The following KDM1B variants were observed in gnomAD, a reference collection of about 807,000 sequenced individuals.
KDM1B encodes the protein lysine-specific histone demethylase 2.
Under a neutral mutation model 107.4 loss-of-function variants are expected in KDM1B, and 63 were observed. The ratio of observed to expected loss-of-function variants is 0.59; its 90% CI spans 0.48 to 0.72. The LOEUF is 0.72. Ranked by LOEUF, KDM1B falls within the 30% of genes least tolerant of loss-of-function variation. The pLI is 0.00. For synonymous variants in KDM1B, 363 were observed against 363.9 expected (o/e 1.00, Z 0.03); for missense variants, 749 against 1,020.8 (o/e 0.73, Z 3.63).
intron 7 of KDM1B, among the ~76,000 whole-genome samples, chr6:18,179,870 T>TCATAAGGCAGGG (rs1786329589): frequency 7.4e-6 from 1 of 135,708 alleles, no homozygotes. Flanking sequence ...TTTTTTTTTT[T>TCATAAGGCAGGG]TTTTTTTTCA....
intron 20 of KDM1B, among the ~76,000 whole-genome samples, chr6:18,216,189 C>T (rs1023173079): frequency 1.3e-5 from 2 of 152,208 alleles, no homozygotes; most frequent in Admixed American, 1.3e-4. Flanking sequence ...AAGCGATTCT[C>T]CTGCCTCAGC....
intron 21 of KDM1B, among the ~76,000 whole-genome samples, chr6:18,220,596 C>T (rs996547572): frequency 2.6e-5 from 4 of 152,254 alleles, no homozygotes; most frequent in Admixed American, 6.5e-5. Flanking sequence ...TTGATTACTC[C>T]TTGGCCTATG....
At chr6:18,160,025 C>A (rs191283366) in intron 3 of KDM1B, 43 bp downstream of exon 3, 2 of 1,291,568 alleles carry the variant, frequency 1.5e-6, no homozygotes, top group East Asian at 2.3e-5. Flanking sequence ...TTTGAGCATG[C>A]AGAATTACTG....
chr6:18,175,584 C>G (rs1354632070), intron 7 of KDM1B, among the ~76,000 whole-genome samples: 1 of 152,108 alleles, frequency 6.6e-6, no homozygotes, highest in Non-Finnish European at 1.5e-5. Context: ...TCTAGTATTT[C>G]TTCTAGAATT....
rs886362382 is a variant in KDM1B at position 18,159,750 on chromosome 6, A to C, written c.-13-133A>C. The C allele has an allele frequency of 3.3e-6, 2 of 608,532 alleles. No homozygotes were observed. The highest frequency in any genetic ancestry group is 3.9e-5 in the African/African-American group (2 of 51,726). The allele number at this position is 608,532 out of a possible 1,614,324, so 37.7% of individuals were successfully genotyped here. On this transcript the variant is annotated intron_variant, in intron 2 of 21. Transcript: ENST00000650836. The surrounding 1 kb of genome is among the most constrained non-coding windows in gnomAD (Gnocchi z 4.5). ...TGGCAAGAATGTCTCAAAAGAAAAG[A>C]AAGAAAACTGTAGCTTTGTATTTAG...
intron 5 of KDM1B, among the ~76,000 whole-genome samples, chr6:18,164,160 C>T (rs376554569): frequency 1.3e-5 from 2 of 152,026 alleles, no homozygotes; most frequent in East Asian, 1.9e-4. Flanking sequence ...TGGAGTCTCG[C>T]TCTGTTGCCC....
chr6:18,207,988 A>C (rs575892726), intron 16 of KDM1B, 144 bp from the exon 17 acceptor site: 8 of 685,064 alleles, frequency 1.2e-5, no homozygotes, highest in African/African-American at 1.1e-4. Flanking sequence ...CAGTTCAGCT[A>C]TAACAATTGT....
intron 15 of KDM1B, 50 bp from the exon 16 acceptor site, chr6:18,207,348 C>T (rs1344126995): frequency 1.3e-6 from 2 of 1,597,126 alleles, no homozygotes; most frequent in Non-Finnish European, 1.7e-6. Flanking sequence ...CTCTCAGGCA[C>T]AGGCACAAGG....
At chr6:18,175,766 T>C (rs1223868932) in intron 7 of KDM1B, among the ~76,000 whole-genome samples, 4 of 152,230 alleles carry the variant, frequency 2.6e-5, no homozygotes, top group Non-Finnish European at 5.9e-5. Flanking sequence ...TTGTTGAAGA[T>C]CAGTTGGCTC....
chr6:18,159,945 C>G lies in KDM1B; in HGVS notation c.50C>G (p.Ser17Cys). Residue 17 changes from serine (S) to cysteine (C), a missense_variant, in exon 3 of 22, where the codon TCT (serine) becomes TGT (cysteine). Transcript: ENST00000650836. This position sits in a 1 kb window ranked among gnomAD's most constrained non-coding sequence, Gnocchi z 4.5. ...RTKKKASFDHSPDSLPLRSSG... is the reference protein window; with the variant it reads ...RTKKKASFDHCPDSLPLRSSG... ...AAGAAAAAAGCATCTTTTGATCATT[C>G]TCCGGATAGCCTTCCTTTGAGGAGC... 2 of 1,610,008 alleles carry G rather than the reference C, an allele frequency of 1.2e-6. No individual in the cohort carries two copies. The highest frequency in any genetic ancestry group is 1.7e-6 in the Non-Finnish European group (2 of 1,178,610).
chr6:18,222,291 G>T lies in KDM1B; in HGVS notation c.*299G>T. The T allele has an allele frequency of 2.2e-6, 1 of 464,188 alleles. No individual in the cohort carries two copies. Among genetic ancestry groups the T allele is most frequent in the Non-Finnish European group, 4.1e-6 (1 of 246,246 alleles). The allele number at this position is 464,188 out of a possible 1,614,324, so 28.8% of individuals were successfully genotyped here. A position where few individuals can be genotyped will look rare whatever the true frequency, so the allele number is the denominator to read the frequency against. ...GAGGCCATGGATTTGATTGTTCCAT[G>T]GCTGGAAGTTCCCTTTAGATTTCAC... On this transcript the variant is annotated 3_prime_UTR_variant, in exon 22 of 22. Coordinates refer to ENST00000650836, the MANE Select transcript of KDM1B (RefSeq NM_001364614.2).
chr6:18,198,859 CTTATACTAAAAAAAAA>C (rs1057122359), intron 12 of KDM1B, among the ~76,000 whole-genome samples: 9 of 150,018 alleles, frequency 6.0e-5, no homozygotes, highest in Admixed American at 4.0e-4. Flanking sequence ...CAGCCTTCCT[CTTATACTAAAAAAAAA>C]ACTAGAAATG....
In KDM1B at chr6:18,212,664, A is replaced by T; in HGVS notation, c.1983+60A>T. On this transcript the variant is annotated intron_variant, in intron 18 of 21. Coordinates refer to ENST00000650836, the MANE Select transcript of KDM1B (RefSeq NM_001364614.2). The surrounding 1 kb of genome is among the most constrained non-coding windows in gnomAD (Gnocchi z 5.2). ...GATTAATGTCAGATGATAGATGTTA[A>T]CTTCTGATATGGAGAAGTAGTGGGT... 2.8e-6 allele frequency: 3 copies of T among 1,056,284 alleles called. No homozygotes were observed. The South Asian group carries it at 3.8e-5, about 13-fold the overall frequency. 65.4% of individuals were successfully genotyped at this position (1,056,284 alleles called of 1,614,324 possible).
chr6:18,155,853 A>AC lies in KDM1B; in HGVS notation c.-57-24dup, dbSNP rs1489260670. The AC allele has an allele frequency of 6.6e-6, 1 of 151,852 alleles. No individual in the cohort carries two copies. Among genetic ancestry groups the AC allele is most frequent in the Non-Finnish European group, 1.5e-5 (1 of 68,058 alleles). 9.4% of individuals were successfully genotyped at this position (151,852 alleles called of 1,614,324 possible). A position where few individuals can be genotyped will look rare whatever the true frequency, so the allele number is the denominator to read the frequency against. ...TCGTCGCGATGTTGCCGGTCGGCTA[A>AC]CCCCCCTACAATGTTTCCTTTCTGT... On this transcript the variant is annotated intron_variant, in intron 1 of 21. Transcript: ENST00000650836. This position sits in a 1 kb window ranked among gnomAD's most constrained non-coding sequence, Gnocchi z 6.2.
intron 7 of KDM1B, among the ~76,000 whole-genome samples, chr6:18,184,597 C>T (rs1330739698): frequency 3.3e-5 from 5 of 151,996 alleles, no homozygotes; most frequent in Admixed American, 6.6e-5. Flanking sequence ...TTTTGCCCAA[C>T]ATTGTGAGAT....
At position 18,200,642 on chromosome 6, in the gene KDM1B, C is replaced by G; in HGVS notation, c.1359+66C>G. 2 of 1,506,064 alleles carry G rather than the reference C, an allele frequency of 1.3e-6. No individual in the cohort carries two copies. The highest frequency in any genetic ancestry group is 2.3e-5 in the East Asian group (1 of 44,058). The allele number at this position is 1,506,064 out of a possible 1,614,324, so 93.3% of individuals were successfully genotyped here. A position where few individuals can be genotyped will look rare whatever the true frequency, so the allele number is the denominator to read the frequency against. ...AAAACAGTTTCAATTTGCTTGTGTG[C>G]AGTATTAATATGCTTCTAAAGTAAA... On this transcript the variant is annotated intron_variant, in intron 13 of 21. Coordinates refer to ENST00000650836, the MANE Select transcript of KDM1B (RefSeq NM_001364614.2). This position sits in a 1 kb window ranked among gnomAD's most constrained non-coding sequence, Gnocchi z 4.3.
At position 18,166,395 on chromosome 6, in the gene KDM1B, T is replaced by G. The variant is rs1248088130; in HGVS notation, c.417+17T>G. On this transcript the variant is annotated intron_variant, in intron 6 of 21. Transcript: ENST00000650836. ...CCCTACTGGGTAAGGAGAGTGATGC[T>G]CTCTGTCTGTGAAGTATTTGTGGAG... The G allele has an allele frequency of 7.0e-7, 1 of 1,420,954 alleles. No individual in the cohort carries two copies. Among genetic ancestry groups the G allele is most frequent in the South Asian group, 1.1e-5 (1 of 87,060 alleles). The allele number at this position is 1,420,954 out of a possible 1,614,324, so 88.0% of individuals were successfully genotyped here. A position where few individuals can be genotyped will look rare whatever the true frequency, so the allele number is the denominator to read the frequency against.
rs1254852687 is a variant in KDM1B, at chr6:18,171,490, T to C, written c.534+11T>C. 7.0e-7 allele frequency: 1 copy of C among 1,427,880 alleles called. No homozygotes were observed. Among genetic ancestry groups the C allele is most frequent in the African/African-American group, 1.4e-5 (1 of 71,480 alleles). 88.5% of individuals were successfully genotyped at this position (1,427,880 alleles called of 1,614,324 possible). The stretch of plus-strand genomic sequence containing the variant: ...AATACTGCTATTAAGGTATGTTCTC[T>C]TTTTGCTTTTGAGTTAATTGATATA... On this transcript the variant is annotated intron_variant, in intron 7 of 21. Coordinates refer to ENST00000650836, the MANE Select transcript of KDM1B (RefSeq NM_001364614.2).
At chr6:18,220,368 G>C (rs936831556) in intron 21 of KDM1B, among the ~76,000 whole-genome samples, 2 of 152,246 alleles carry the variant, frequency 1.3e-5, no homozygotes, top group Admixed American at 6.5e-5. Context: ...GGCCAACATG[G>C]TGAAACCCCG....
Sources: gnomAD v4.1 joint callset for allele counts (sites outside exome capture counted in the v4.1 genomes callset) on GRCh38, gnomAD v4.1.1 for gene constraint, Gnocchi (gnomAD v3.1) non-coding constraint, MANE v1.5 for transcripts, NCBI Gene and HGNC (gene_info 2026-07-23, HGNC 2026-07-21) for gene names.